Variants in AGO1 observed in about 807,000 individuals in gnomAD.
AGO1 encodes the protein protein argonaute-1.
AGO1 carries 11 observed loss-of-function variants against 109.2 expected under a neutral mutation model. The ratio of observed to expected loss-of-function variants is 0.10; its 90% confidence interval spans 0.06 to 0.17. AGO1 has a LOEUF of 0.17. Ranked by LOEUF, AGO1 falls within the 10% of genes least tolerant of loss-of-function variation. The pLI, the probability that AGO1 is intolerant of heterozygous loss-of-function variation, is 1.00. For synonymous variants in AGO1, 422 were observed against 418.6 expected (o/e 1.01, Z -0.10); for missense variants, 574 against 1,140.3 (o/e 0.50, Z 7.15).
At position 35,924,942 on chromosome 1, in the gene AGO1, G is replaced by C. The variant is rs1645900020; in HGVS notation, c.*5335G>C. 1 of 152,130 alleles carries C rather than the reference G, an allele frequency of 6.6e-6. No homozygotes were observed. The highest frequency in any genetic ancestry group is 2.4e-5 in the African/African-American group (1 of 41,422). 9.4% of individuals were successfully genotyped at this position (152,130 alleles called of 1,614,324 possible). On this transcript the variant is annotated 3_prime_UTR_variant, in exon 19 of 19. Coordinates refer to ENST00000373204, the MANE Select transcript of AGO1 (RefSeq NM_012199.5). The stretch of plus-strand genomic sequence containing the variant: ...TATAGATACAGGAGTCTTATAGATG[G>C]TAGTTAAAGCCATAGGCATGAATGA...
chr1:35,877,607 A>C (rs1470502520), intron 1 of AGO1, among the ~76,000 whole-genome samples: 2 of 152,248 alleles, frequency 1.3e-5, no homozygotes, highest in Admixed American at 1.3e-4. Context: ...ACATGTATTA[A>C]GCATTTGAAA....
rs1310507008 is a variant in AGO1 at position 35,928,868 on chromosome 1, T to G, written c.*9261T>G. On this transcript the variant is annotated 3_prime_UTR_variant, in exon 19 of 19. Transcript: ENST00000373204. ...AGGAGGTTCAACTTTCAGAGCGCAC[T>G]GATTTCTCTGCACCTGAGATTTTGT... 2 of 152,270 alleles carry G rather than the reference T, an allele frequency of 1.3e-5. No homozygotes were observed. Among genetic ancestry groups the G allele is most frequent in the Non-Finnish European group, 2.9e-5 (2 of 68,040 alleles). 9.4% of individuals were successfully genotyped at this position (152,270 alleles called of 1,614,324 possible).
In AGO1 at chr1:35,925,898, C is replaced by T. The variant is rs1645917377; in HGVS notation, c.*6291C>T. ...CCTGGCGGATACCCCAGTGAGAAAT[C>T]GTCAGTGGCAGCCAGTGTGTACATA... On this transcript the variant is annotated 3_prime_UTR_variant, in exon 19 of 19. Coordinates refer to ENST00000373204, the MANE Select transcript of AGO1 (RefSeq NM_012199.5). 1 of 152,144 alleles carries T rather than the reference C, an allele frequency of 6.6e-6. No individual in the cohort carries two copies. The highest frequency in any genetic ancestry group is 1.5e-5 in the Non-Finnish European group (1 of 68,046). 9.4% of individuals were successfully genotyped at this position (152,144 alleles called of 1,614,324 possible). A position where few individuals can be genotyped will look rare whatever the true frequency, so the allele number is the denominator to read the frequency against.
chr1:35,895,420 A>G (rs1484394982), intron 8 of AGO1, 151 bp downstream of exon 8: 1 of 872,394 alleles, frequency 1.1e-6, no homozygotes, highest in Non-Finnish European at 1.7e-6. Flanking sequence ...CCTCATTCTT[A>G]CCTGCTAAGT....
Position 35,919,217 on chromosome 1 carries a change from C to A in AGO1, c.2428C>A (p.Arg810=). The part of the protein sequence containing the change: ...PAYYARLVAF[R]ARYHLVDKEH... The stretch of plus-strand genomic sequence containing the variant: ...CTACTATGCCCGCCTGGTGGCTTTC[C>A]GGGCACGATACCACCTGGTGGACAA... Residue 810 remains arginine, a synonymous_variant, in exon 18 of 19, where the codon CGG becomes AGG. Coordinates refer to ENST00000373204, the MANE Select transcript of AGO1 (RefSeq NM_012199.5). This position sits in a 1 kb window ranked among gnomAD's most constrained non-coding sequence, Gnocchi z 6.6. The A allele has an allele frequency of 6.2e-7, 1 of 1,614,080 alleles. No homozygotes were observed. The highest frequency in any genetic ancestry group is 8.5e-7 in the Non-Finnish European group (1 of 1,180,000).
chr1:35,883,233 A>C lies in AGO1; in HGVS notation c.-189A>C. 1 of 1,247,192 alleles carries C rather than the reference A, an allele frequency of 8.0e-7. No homozygotes were observed. The highest frequency in any genetic ancestry group is 1.0e-6 in the Non-Finnish European group (1 of 992,114). The allele number at this position is 1,247,192 out of a possible 1,614,324, so 77.3% of individuals were successfully genotyped here. On this transcript the variant is annotated 5_prime_UTR_variant, in exon 1 of 19. Transcript: ENST00000373204. The surrounding 1 kb of genome is among the most constrained non-coding windows in gnomAD (Gnocchi z 5.4). The stretch of plus-strand genomic sequence containing the variant: ...CACTGGCAGCTGGCCGGGCGCTCGC[A>C]GTGGGAGCTGCTGCAGGCTCCGCGG...
upstream of AGO1, among the ~76,000 whole-genome samples, chr1:35,881,849 C>T (rs558329045): frequency 5.9e-5 from 9 of 152,294 alleles, no homozygotes; most frequent in Middle Eastern, 3.4e-3. Flanking sequence ...TCTCTTACCC[C>T]GCCTATCACT....
Position 35,901,371 on chromosome 1 carries a change from T to G in AGO1, c.1021-103T>G. On this transcript the variant is annotated intron_variant, in intron 8 of 18. Transcript: ENST00000373204. This position sits in a 1 kb window ranked among gnomAD's most constrained non-coding sequence, Gnocchi z 4.8. ...ATGCACAACGGATTTTGCAGTTCCC[T>G]TCCCCATGGCTGACAGCCAAGGTAT... The G allele has an allele frequency of 6.7e-7, 1 of 1,497,822 alleles. No homozygotes were observed. Among genetic ancestry groups the G allele is most frequent in the East Asian group, 2.3e-5 (1 of 43,926 alleles). 92.8% of individuals were successfully genotyped at this position (1,497,822 alleles called of 1,614,324 possible).
chr1:35,892,639 A>G lies in AGO1; in HGVS notation c.292A>G (p.Ile98Val). 1 of 1,614,236 alleles carries G rather than the reference A, an allele frequency of 6.2e-7. No homozygotes were observed. Among genetic ancestry groups the G allele is most frequent in the Non-Finnish European group, 8.5e-7 (1 of 1,180,034 alleles). ...GCCTGTGTATGATGGAAAGAAGAAC[A>G]TTTACACTGTCACAGCACTGCCCAT... ...RKPVYDGKKN[I>V]YTVTALPIGN... Residue 98 changes from isoleucine (I) to valine (V), a missense_variant, in exon 3 of 19, where the codon ATT becomes GTT. This residue lies in a region of AGO1 where 129 missense variants were observed against 243.0 expected (regional missense o/e 0.53). Coordinates refer to ENST00000373204, the MANE Select transcript of AGO1 (RefSeq NM_012199.5).
Position 35,919,078 on chromosome 1 carries a change from C to T in AGO1, c.2289C>T (p.Tyr763=), listed in dbSNP as rs765183489. 1.2e-6 allele frequency: 2 copies of T among 1,614,220 alleles called. No individual in the cohort carries two copies. Among genetic ancestry groups the T allele is most frequent in the Non-Finnish European group, 1.7e-6 (2 of 1,180,042 alleles). Residue 763 remains tyrosine (Y), a synonymous_variant, in exon 18 of 19, where the codon TAC becomes TAT. Coordinates refer to ENST00000373204, the MANE Select transcript of AGO1 (RefSeq NM_012199.5). This position sits in a 1 kb window ranked among gnomAD's most constrained non-coding sequence, Gnocchi z 6.6. The part of the protein sequence containing the change: ...GIQGTSRPSH[Y]YVLWDDNRFT... ...AGGGCACCAGCCGACCATCCCATTA[C>T]TATGTTCTTTGGGATGACAACCGTT... is the stretch of plus-strand genomic sequence containing the variant.
rs189586551 is a variant in AGO1, at chr1:35,895,128, C to G, written c.879C>G (p.Pro293=). The G allele has an allele frequency of 6.2e-7, 1 of 1,609,792 alleles. No homozygotes were observed. Among genetic ancestry groups the G allele is most frequent in the East Asian group, 2.3e-5 (1 of 44,300 alleles). Reference sequence around the variant, plus strand: ...CTTCCCTTCTTCTGAACAGATTCCCCTTACAGCTGGAGAGTGGACAGACTG... The same window carrying G: ...CTTCCCTTCTTCTGAACAGATTCCCGTTACAGCTGGAGAGTGGACAGACTG... ...TRRPASHQTF[P]LQLESGQTVE... The change falls in exon 8 of 19, where the codon CCC becomes CCG. Residue 293 remains proline, a synonymous_variant. Coordinates refer to ENST00000373204, the MANE Select transcript of AGO1 (RefSeq NM_012199.5).
In AGO1 at chr1:35,915,558, G is replaced by T. The variant is rs768703635; in HGVS notation, c.2028+16G>T. 8 of 1,610,778 alleles carry T rather than the reference G, an allele frequency of 5.0e-6. No homozygotes were observed. Among genetic ancestry groups the T allele is most frequent in the Non-Finnish European group, 5.9e-6 (7 of 1,178,006 alleles). On this transcript the variant is annotated intron_variant, in intron 15 of 18. Transcript: ENST00000373204. ...GCTACCCCAGGTAGGGCCCACAGTA[G>T]GTGGAGAAAACCTTCACATCATGGC...
intron 1 of AGO1, among the ~76,000 whole-genome samples, chr1:35,871,194 T>C (rs533795408): frequency 6.6e-6 from 1 of 152,130 alleles, no homozygotes; most frequent in Admixed American, 6.6e-5. Context: ...CCTTAACTTT[T>C]GCCTGATTTA....
At chr1:35,894,462 C>CT in intron 7 of AGO1, 60 bp downstream of exon 7, 1 of 1,515,316 alleles carries the variant, frequency 6.6e-7, no homozygotes, top group East Asian at 2.3e-5. Context: ...AGATTTAAAA[C>CT]TATCTTTCCC....
intron 2 of AGO1, among the ~76,000 whole-genome samples, chr1:35,890,365 A>G (rs1223755044): frequency 1.3e-5 from 2 of 152,190 alleles, no homozygotes; most frequent in Non-Finnish European, 2.9e-5. Context: ...ACTTTTCTAC[A>G]TATATACAGG....
At position 35,928,620 on chromosome 1, in the gene AGO1, T is replaced by C. The variant is rs1557633486; in HGVS notation, c.*9013T>C. Reference sequence around the variant, plus strand: ...TTACCTGTTTCAAAATTGAGTTTTATTGAGTTGTAAGAGTTCTTTATTCAT... The same window carrying C: ...TTACCTGTTTCAAAATTGAGTTTTACTGAGTTGTAAGAGTTCTTTATTCAT... On this transcript the variant is annotated 3_prime_UTR_variant, in exon 19 of 19. Coordinates refer to ENST00000373204, the MANE Select transcript of AGO1 (RefSeq NM_012199.5). 6.6e-6 allele frequency: 1 copy of C among 152,224 alleles called. No homozygotes were observed. 9.4% of individuals were successfully genotyped at this position (152,224 alleles called of 1,614,324 possible).
chr1:35,902,226 A>G lies in AGO1; in HGVS notation c.1286A>G (p.Asn429Ser). The G allele has an allele frequency of 6.2e-7, 1 of 1,613,982 alleles. No homozygotes were observed. The highest frequency in any genetic ancestry group is 1.1e-5 in the South Asian group (1 of 91,046). ...GGRNRAIATP[N>S]QGVWDMRGKQ... ...CAGAACCGGGCCATTGCCACACCCAATCAGGGTGTCTGGGACATGCGGGGG... is the reference window on the plus strand; with the variant it reads ...CAGAACCGGGCCATTGCCACACCCAGTCAGGGTGTCTGGGACATGCGGGGG... The change falls in exon 11 of 19, where the codon AAT becomes AGT. Residue 429 changes from asparagine to serine, a missense_variant. Asn to Ser is a conservative substitution (Grantham distance 46). Coordinates refer to ENST00000373204, the MANE Select transcript of AGO1 (RefSeq NM_012199.5).
chr1:35,882,289 A>G (rs1442501342), upstream of AGO1, among the ~76,000 whole-genome samples: 1 of 152,166 alleles, frequency 6.6e-6, no homozygotes, highest in Non-Finnish European at 1.5e-5. This position sits in a 1 kb window ranked among gnomAD's most constrained non-coding sequence, Gnocchi z 5.1. Context: ...GTAAGAGTGG[A>G]TGAGACCTTT....
intron 8 of AGO1, among the ~76,000 whole-genome samples, chr1:35,898,488 C>T (rs1430530150): frequency 1.1e-4 from 16 of 152,132 alleles, no homozygotes; most frequent in Non-Finnish European, 1.5e-5. Flanking sequence ...GATCTCCTGA[C>T]TCATGATCCG....
Sources: allele counts gnomAD v4.1 joint callset (sites outside exome capture counted in the v4.1 genomes callset), GRCh38; gene constraint gnomAD v4.1.1; regional missense constraint gnomAD v4.1.1; non-coding constraint Gnocchi (gnomAD v3.1); transcripts MANE v1.5; gene names NCBI Gene and HGNC (gene_info 2026-07-23, HGNC 2026-07-21).